The following NOXRED1 variants were observed in gnomAD, a reference collection of about 807,000 sequenced individuals.
The protein encoded by NOXRED1 is NADP dependent oxidoreductase domain containing 1.
Under a neutral mutation model 30.4 loss-of-function variants are expected in NOXRED1, and 20 were observed. The ratio of observed to expected loss-of-function variants is 0.66; its 90% CI spans 0.46 to 0.96. The LOEUF (loss-of-function observed/expected upper bound fraction) is 0.96. Among genes scored for constraint, NOXRED1 ranks in the 40% least tolerant of loss-of-function variants. The pLI, the probability that NOXRED1 is intolerant of heterozygous loss-of-function variation, is 0.00. For synonymous variants in NOXRED1, 155 were observed against 168.0 expected (o/e 0.92, Z 0.60); for missense variants, 374 against 428.0 (o/e 0.87, Z 1.11).
intron 1 of NOXRED1, among the ~76,000 whole-genome samples, chr14:77,420,381 T>TGG (rs1894959648): frequency 1.5e-5 from 2 of 136,764 alleles, no homozygotes; most frequent in African/African-American, 2.5e-5. Context: ...TTTTTTTGTT[T>TGG]TGTTTTGTTT....
intron 5 of NOXRED1, among the ~76,000 whole-genome samples, chr14:77,397,971 A>G (rs1894231399): frequency 6.6e-6 from 1 of 152,110 alleles, no homozygotes; most frequent in Admixed American, 6.6e-5. Context: ...CAATAATTAA[A>G]AAGCTGAACT....
chr14:77,419,427 GTTTTTTTTTTTCTTTTTCCTTTTTT>G, intron 1 of NOXRED1, among the ~76,000 whole-genome samples: 1 of 132,946 alleles, frequency 7.5e-6, no homozygotes, highest in African/African-American at 2.8e-5. Context: ...TGGTTGACAG[GTTTTTTTTTTTCTTTTTCCTTTTTT>G]TTTTTTTTTT....
chr14:77,413,856 G>C, intron 2 of NOXRED1, 78 bp downstream of exon 2: 1 of 970,282 alleles, frequency 1.0e-6, no homozygotes, highest in Admixed American at 3.0e-5. Flanking sequence ...TTCCTCTTTG[G>C]AGGACCCTTT....
At chr14:77,412,364 G>A (rs573006442) in intron 2 of NOXRED1, among the ~76,000 whole-genome samples, 48 of 152,208 alleles carry the variant, frequency 3.2e-4, no homozygotes, top group African/African-American at 1.1e-3. Context: ...AGTGGTCTTA[G>A]CCACTGCTGG....
rs1566712338 is a variant in NOXRED1 at position 77,413,994 on chromosome 14, G to A, written c.289C>T (p.Gln97Ter). 6.2e-7 allele frequency: 1 copy of A among 1,611,068 alleles called. No homozygotes were observed. The change falls in exon 2 of 6, where the codon CAG becomes TAG. Residue 97 changes from glutamine to a stop codon, truncating the protein, a stop_gained. Transcript: ENST00000380835. LOFTEE classifies it high-confidence loss of function. ...LGKQLAGTLL[Q>*]LGPIPAESLR... is the part of the protein sequence containing the mutation. ...CTTTCAGCAGGGATGGGGCCAAGCT[G>A]CAGCAGTGTGCCAGCCAGCTGCTTC...
chr14:77,407,923 A>G (rs1264839660), intron 2 of NOXRED1, among the ~76,000 whole-genome samples: 2 of 146,730 alleles, frequency 1.4e-5, no homozygotes, highest in South Asian at 2.2e-4. Context: ...GCTGCAGTAC[A>G]CTAGCGTAAT....
intron 5 of NOXRED1, among the ~76,000 whole-genome samples, chr14:77,402,983 C>T (rs1438791279): frequency 3.3e-5 from 5 of 151,368 alleles, no homozygotes; most frequent in East Asian, 1.9e-4. Flanking sequence ...CGCAGTGAGC[C>T]GAGATCACAC....
intron 5 of NOXRED1, among the ~76,000 whole-genome samples, chr14:77,398,445 T>C (rs939330056): frequency 1.3e-5 from 2 of 152,122 alleles, no homozygotes; most frequent in Non-Finnish European, 2.9e-5. Context: ...CTAACTGACC[T>C]GGGGGAAGAG....
rs915312434 is a variant in NOXRED1 at position 77,423,292 on chromosome 14, T to C, written c.-403A>G. On this transcript the variant is annotated 5_prime_UTR_variant, in exon 1 of 6. Transcript: ENST00000380835. ...TCCATTCCCTCCTGCGTTTTGGAAA[T>C]AGGACTGAACACATAGAACCACATT... Among the ~76,000 whole-genome samples the C allele has an allele frequency of 6.6e-6, 1 of 152,182 alleles. No individual in the cohort carries two copies. The highest frequency in any genetic ancestry group is 2.4e-5 in the African/African-American group (1 of 41,436).
intron 5 of NOXRED1, among the ~76,000 whole-genome samples, chr14:77,401,249 G>A: frequency 6.6e-6 from 1 of 152,050 alleles, no homozygotes; most frequent in East Asian, 1.9e-4. Context: ...GCGGGTGCCT[G>A]TAATCCCAGC....
chr14:77,419,393 C>T (rs1262093914), intron 1 of NOXRED1, among the ~76,000 whole-genome samples: 1 of 148,668 alleles, frequency 6.7e-6, no homozygotes, highest in Non-Finnish European at 1.5e-5. Flanking sequence ...TTTTGAAGCA[C>T]AGGTTTGCAA....
chr14:77,403,706 C>A (rs1894385188), intron 5 of NOXRED1, among the ~76,000 whole-genome samples: 1 of 152,022 alleles, frequency 6.6e-6, no homozygotes, highest in Non-Finnish European at 1.5e-5. Context: ...AACAGGCCCA[C>A]CAAGTGCTCA....
chr14:77,414,133 G>A lies in NOXRED1; in HGVS notation c.156-6C>T. On this transcript the variant is annotated splice_polypyrimidine_tract_variant and splice_region_variant and intron_variant, in intron 1 of 5. Coordinates refer to ENST00000380835, the MANE Select transcript of NOXRED1 (RefSeq NM_001113475.3). The stretch of plus-strand genomic sequence containing the variant: ...GATTCTTATTTAATGATGCTCTGGA[G>A]AATGAACACACAGACACGTACATAA... 6.4e-7 allele frequency: 1 copy of A among 1,560,188 alleles called. No homozygotes were observed. Among genetic ancestry groups the A allele is most frequent in the Non-Finnish European group, 8.8e-7 (1 of 1,138,208 alleles).
chr14:77,423,976 G>T (rs941728336), upstream of NOXRED1, among the ~76,000 whole-genome samples: 1 of 152,162 alleles, frequency 6.6e-6, no homozygotes, highest in Non-Finnish European at 1.5e-5. Flanking sequence ...CCATTAAGCA[G>T]TTACTCCCTA....
At position 77,416,652 on chromosome 14, in the gene NOXRED1, C is replaced by T. The variant is rs548369756; in HGVS notation, c.156-2525G>A. Among the ~76,000 whole-genome samples the T allele has an allele frequency of 1.1e-3, 163 of 152,310 alleles. 1 individual carries two copies. In the South Asian group the frequency reaches 0.012, roughly 11 times the overall value. On this transcript the variant is annotated intron_variant, in intron 1 of 5. Coordinates refer to ENST00000380835, the MANE Select transcript of NOXRED1 (RefSeq NM_001113475.3). The stretch of plus-strand genomic sequence containing the variant: ...CCGATTTCTCAATCTTTTCCCCACC[C>T]TTCCCCCCTTTCTATTCCACAAAAC...
chr14:77,409,741 AATAT>A (rs1894591790), intron 2 of NOXRED1, among the ~76,000 whole-genome samples: 1 of 152,142 alleles, frequency 6.6e-6, no homozygotes. Context: ...CTTTGCAAAG[AATAT>A]ATATACTTTG....
In NOXRED1 at chr14:77,413,950, C is replaced by T. The variant is rs1326604098; in HGVS notation, c.333G>A (p.Arg111=). 6.3e-7 allele frequency: 1 copy of T among 1,593,076 alleles called. No individual in the cohort carries two copies. Among genetic ancestry groups the T allele is most frequent in the Non-Finnish European group, 8.6e-7 (1 of 1,165,426 alleles). ...GCTCCTCACCCAGAGTCTCTGGCCT[C>T]CGAGTGGAGATCCGCAGGCTTTCAG... The part of the protein sequence containing the change: ...IPAESLRIST[R]RPETLGELQK... The change falls in exon 2 of 6, where the codon CGG becomes CGA. Residue 111 remains arginine, a synonymous_variant. Coordinates refer to ENST00000380835, the MANE Select transcript of NOXRED1 (RefSeq NM_001113475.3).
chr14:77,396,301 G>A (rs1894182489), intron 5 of NOXRED1, among the ~76,000 whole-genome samples: 2 of 129,124 alleles, frequency 1.5e-5, no homozygotes, highest in Admixed American at 1.6e-4. Context: ...CCAGGCTGCA[G>A]TGCGATGGTG....
intron 5 of NOXRED1, among the ~76,000 whole-genome samples, chr14:77,397,576 T>C (rs979250879): frequency 6.6e-6 from 1 of 152,194 alleles, no homozygotes; most frequent in Admixed American, 6.5e-5. Flanking sequence ...ACTCCGTATT[T>C]ATCTCAAAAT....
Sources: allele counts gnomAD v4.1 joint callset (sites outside exome capture counted in the v4.1 genomes callset), GRCh38; gene constraint gnomAD v4.1.1; transcripts MANE v1.5; gene names NCBI Gene and HGNC (gene_info 2026-07-23, HGNC 2026-07-21).